Variants in HERC2 observed in about 807,000 individuals in gnomAD.
The protein encoded by HERC2 is HECT and RLD domain containing E3 ubiquitin protein ligase 2.
Under a neutral mutation model 537.7 loss-of-function variants are expected in HERC2, and 102 were observed. The ratio of observed to expected loss-of-function variants is 0.19; its 90% CI spans 0.16 to 0.22. HERC2 has a LOEUF of 0.22. Among genes scored for constraint, HERC2 ranks in the 10% least tolerant of loss-of-function variants. The pLI is 1.00. For synonymous variants in HERC2, 2,224 were observed against 2,466.2 expected (o/e 0.90, Z 2.91); for missense variants, 4,236 against 6,198.2 (o/e 0.68, Z 10.63).
intron 4 of HERC2, among the ~76,000 whole-genome samples, chr15:28,289,817 G>A (rs928310272): frequency 6.6e-6 from 1 of 152,210 alleles, no homozygotes; most frequent in Non-Finnish European, 1.5e-5. Context: ...TGCTCCTTGT[G>A]CAGTGAGAGG....
rs1488226726 is a variant in HERC2 at position 28,135,036 on chromosome 15, A to G, written c.12230+442T>C. ...GGATAAGAAGGCCCCTGTTACTCCA[A>G]TCTGGCTGGTAGTTCTCATTAATTT... On this transcript the variant is annotated intron_variant, in intron 79 of 92. Transcript: ENST00000261609. 3.9e-5 allele frequency among the ~76,000 whole-genome samples: 6 copies of G among 152,282 alleles called. No homozygotes were observed. The East Asian group carries it at 7.7e-4, about 20-fold the overall frequency.
At chr15:28,254,606 C>T (rs2075195457) in intron 19 of HERC2, 88 bp from the exon 20 acceptor site, 18 of 804,278 alleles carry the variant, frequency 2.2e-5, no homozygotes, top group Non-Finnish European at 3.4e-5. Context: ...ACCCCAGTGC[C>T]AAGCTATCCC....
chr15:28,116,988 G>A (rs756315296), intron 87 of HERC2, 25 bp downstream of exon 87: 2 of 1,613,898 alleles, frequency 1.2e-6, no homozygotes, highest in Non-Finnish European at 1.7e-6. Context: ...GGACACAGGT[G>A]CTCCAGCACG....
chr15:28,268,005 G>C lies in HERC2; in HGVS notation c.1598+460C>G, dbSNP rs1395837495. Among the ~76,000 whole-genome samples, 1 of 152,146 alleles carries C rather than the reference G, an allele frequency of 6.6e-6. No homozygotes were observed. Among genetic ancestry groups the C allele is most frequent in the Non-Finnish European group, 1.5e-5 (1 of 68,012 alleles). On this transcript the variant is annotated intron_variant, in intron 12 of 92. Coordinates refer to ENST00000261609, the MANE Select transcript of HERC2 (RefSeq NM_004667.6). The surrounding 1 kb of genome is among the most constrained non-coding windows in gnomAD (Gnocchi z 4.7). ...AACCTGGCATTTATAACAACTTTCT[G>C]TTTCATTTGTTCTTTCACAATAAAA...
chr15:28,304,459 C>T (rs535120085), intron 2 of HERC2, among the ~76,000 whole-genome samples: 136 of 151,772 alleles, frequency 9.0e-4, no homozygotes, highest in South Asian at 4.0e-3. Flanking sequence ...TCTCCACCTC[C>T]GGGGTTCAAG....
At position 28,163,135 on chromosome 15, in the gene HERC2, G is replaced by A. The variant is rs373616441; in HGVS notation, c.10705C>T (p.Leu3569Phe). The A allele has an allele frequency of 1.9e-6, 3 of 1,612,422 alleles. No individual in the cohort carries two copies. The highest frequency in any genetic ancestry group is 1.3e-5 in the African/African-American group (1 of 75,038). Residue 3569 changes from leucine to phenylalanine, a missense_variant, in exon 69 of 93, where the codon CTC becomes TTC. Transcript: ENST00000261609. ...SRAGDRGRDV[L>F]SAVLSGMGTA... ...CCCATGCCGGAAAGCACCGCGGAGA[G>A]CACATCCCTGCCCCTGTCCCCGGCC... is the stretch of plus-strand genomic sequence containing the variant.
intron 5 of HERC2, among the ~76,000 whole-genome samples, chr15:28,276,007 C>T (rs780673735): frequency 6.6e-5 from 10 of 151,262 alleles, no homozygotes; most frequent in South Asian, 2.1e-4. Flanking sequence ...GCCAATATGA[C>T]GAAACCCTGT....
At chr15:28,269,152 A>C (rs1376084781) in intron 11 of HERC2, 96 bp downstream of exon 11, 2 of 887,998 alleles carry the variant, frequency 2.3e-6, no homozygotes, top group Non-Finnish European at 1.7e-6. Flanking sequence ...ATCTTCAGAA[A>C]TCAAACGCCT....
Position 28,214,175 on chromosome 15 carries a change from C to T in HERC2, c.6456G>A (p.Thr2152=), listed in dbSNP as rs565860013. 372 of 1,613,102 alleles carry T rather than the reference C, an allele frequency of 2.3e-4. 2 individuals carry two copies. Among genetic ancestry groups the T allele is most frequent in the Middle Eastern group, 3.8e-4 (2 of 5,276 alleles). The change falls in exon 41 of 93, where the codon ACG becomes ACA. Residue 2152 remains threonine, a synonymous_variant. Transcript: ENST00000261609. ...LAEEVVALLR[T]LHSLTQWNGL... is the part of the protein sequence containing the mutation. ...CATTCCACTGAGTCAGGGAGTGCAG[C>T]GTGCGCAGCAGTGCCACCACCTCCT... is the stretch of plus-strand genomic sequence containing the variant.
At chr15:28,218,762 C>T (rs1596261800) in intron 37 of HERC2, 91 bp from the exon 38 acceptor site, 1 of 1,140,426 alleles carries the variant, frequency 8.8e-7, no homozygotes, top group East Asian at 2.4e-5. Context: ...ATATTACATT[C>T]TTGTTTTATT....
chr15:28,231,347 G>T (rs1029284325), intron 30 of HERC2, among the ~76,000 whole-genome samples: 1 of 152,000 alleles, frequency 6.6e-6, no homozygotes, highest in African/African-American at 2.4e-5. Context: ...GAAGTTTTTT[G>T]GTATACCTGA....
chr15:28,245,608 T>C (rs754100264), intron 23 of HERC2, among the ~76,000 whole-genome samples: 55 of 143,400 alleles, frequency 3.8e-4, no homozygotes, highest in Non-Finnish European at 5.0e-4. Flanking sequence ...CACACACAGA[T>C]ATATATATAC....
At chr15:28,251,039 C>A (rs1389201410) in intron 20 of HERC2, among the ~76,000 whole-genome samples, 1 of 152,178 alleles carries the variant, frequency 6.6e-6, no homozygotes, top group Non-Finnish European at 1.5e-5. Flanking sequence ...ACCAAAAAGT[C>A]ACATGCAGCA....
rs200021106 is a variant in HERC2, at chr15:28,257,179, T to C, written c.2399A>G (p.Glu800Gly). ...FVVDICSMTF[E>G]QLDLLLRQVS... is the part of the protein sequence containing the mutation. ...CTGCCGAAGCAGGAGATCCAGCTGC[T>C]CAAAAGTCATTGAGCAGATGTCCAC... is the stretch of plus-strand genomic sequence containing the variant. Residue 800 changes from glutamate to glycine, a missense_variant, in exon 17 of 93, where the codon GAG (glutamate) becomes GGG (glycine). Glu to Gly is a moderately conservative substitution (Grantham distance 98, BLOSUM62 -2). This residue lies in a region of HERC2 where 754 missense variants were observed against 1,085.0 expected (regional missense o/e 0.69). Coordinates refer to ENST00000261609, the MANE Select transcript of HERC2 (RefSeq NM_004667.6). The C allele has an allele frequency of 6.2e-7, 1 of 1,613,778 alleles. No homozygotes were observed. The highest frequency in any genetic ancestry group is 2.2e-5 in the East Asian group (1 of 44,856).
chr15:28,240,084 T>TA (rs1257819090), intron 23 of HERC2, among the ~76,000 whole-genome samples: 2 of 151,900 alleles, frequency 1.3e-5, no homozygotes, highest in African/African-American at 4.8e-5. Context: ...CATTAAGAGG[T>TA]AAAATGCCTT....
chr15:28,230,545 T>G, intron 30 of HERC2, 45 bp from the exon 31 acceptor site: 1 of 1,056,598 alleles, frequency 9.5e-7, no homozygotes, highest in African/African-American at 1.6e-5. Context: ...TACACTTAAA[T>G]ATTAATTTTA....
At chr15:28,166,232 G>A (rs770778244) in intron 68 of HERC2, among the ~76,000 whole-genome samples, 12 of 152,118 alleles carry the variant, frequency 7.9e-5, no homozygotes, top group East Asian at 1.9e-4. Flanking sequence ...CTACAGAGCC[G>A]TATCCCTTAT....
At chr15:28,182,571 T>TA in intron 56 of HERC2, 59 bp from the exon 57 acceptor site, 3 of 1,281,738 alleles carry the variant, frequency 2.3e-6, no homozygotes, top group South Asian at 1.3e-5. Flanking sequence ...ATAAAACATT[T>TA]AAAAAATAAA....
Position 28,113,741 on chromosome 15 carries a change from C to T in HERC2, c.13914-63G>A, listed in dbSNP as rs529828148. ...TGACACTGACTTTATGCTGCTCACA[C>T]CAAGCCTTGGCATGCAGCACTGTGG... On this transcript the variant is annotated intron_variant, in intron 90 of 92. Transcript: ENST00000261609. The surrounding 1 kb of genome is among the most constrained non-coding windows in gnomAD (Gnocchi z 7.0). 1.1e-5 allele frequency: 15 copies of T among 1,385,876 alleles called. No individual in the cohort carries two copies. Among genetic ancestry groups the T allele is most frequent in the Admixed American group, 5.4e-5 (3 of 55,786 alleles). 85.8% of individuals were successfully genotyped at this position (1,385,876 alleles called of 1,614,324 possible). A position where few individuals can be genotyped will look rare whatever the true frequency, so the allele number is the denominator to read the frequency against.
Sources: gnomAD v4.1 joint callset for allele counts (sites outside exome capture counted in the v4.1 genomes callset) on GRCh38, gnomAD v4.1.1 for gene constraint, gnomAD v4.1.1 regional missense constraint, Gnocchi (gnomAD v3.1) non-coding constraint, MANE v1.5 for transcripts, NCBI Gene and HGNC (gene_info 2026-07-23, HGNC 2026-07-21) for gene names.